CDS2: variants seen among roughly 807,000 people sequenced by gnomAD.
CDS2 encodes the protein CDP-diacylglycerol synthase 2, also known as phosphatidate cytidylyltransferase 2.
CDS2 carries 47 observed loss-of-function variants against 59.0 expected under a neutral mutation model. The observed-to-expected ratio is 0.80, with a 90% CI of 0.63 to 1.02. The LOEUF (loss-of-function observed/expected upper bound fraction) is 1.02, where lower values mean the gene tolerates loss of function less well. Among genes scored for constraint, CDS2 ranks in the 50% least tolerant of loss-of-function variants. CDS2 has a pLI of 0.00. For synonymous variants in CDS2, 207 were observed against 206.4 expected (o/e 1.00, Z -0.02); for missense variants, 356 against 558.9 (o/e 0.64, Z 3.66).
chr20:5,157,515 C>T (rs182322366), intron 1 of CDS2, among the ~76,000 whole-genome samples: 44 of 152,284 alleles, frequency 2.9e-4, no homozygotes, highest in African/African-American at 9.6e-4. Context: ...GAGGCCATGT[C>T]TCAGTCTGTT....
chr20:5,141,453 G>A (rs756897688), intron 1 of CDS2, among the ~76,000 whole-genome samples: 2 of 152,154 alleles, frequency 1.3e-5, no homozygotes, highest in African/African-American at 2.4e-5. Context: ...CACATGCTGG[G>A]GGGGTGGTGC....
At chr20:5,145,845 A>G (rs2090738866) in intron 1 of CDS2, among the ~76,000 whole-genome samples, 5 of 125,914 alleles carry the variant, frequency 4.0e-5, no homozygotes, top group Admixed American at 3.2e-4. Flanking sequence ...TTTTTTTGAG[A>G]CAAAGTCTCG....
intron 2 of CDS2, among the ~76,000 whole-genome samples, chr20:5,174,594 A>G (rs540236238): frequency 3.7e-4 from 56 of 152,074 alleles, no homozygotes; most frequent in African/African-American, 1.3e-3. Flanking sequence ...GTGTGGTGGC[A>G]GGCGCCTGTA....
intron 1 of CDS2, among the ~76,000 whole-genome samples, chr20:5,139,747 A>G (rs1048284380): frequency 9.9e-5 from 15 of 150,788 alleles, no homozygotes; most frequent in African/African-American, 3.4e-4. Flanking sequence ...TAATTTATTG[A>G]GAGTTTTTAT....
rs1361014449 is a variant in CDS2, at chr20:5,192,321, CTT to C, written c.*2089_*2090del. ...ATACTGGGCAAGGCTCATCATGTTC[CTT>C]TGTGGAAGTGGTTACTTGGTGGGGG... On this transcript the variant is annotated 3_prime_UTR_variant, in exon 13 of 13. Transcript: ENST00000460006. 1 of 133,018 alleles carries C rather than the reference CTT, an allele frequency of 7.5e-6. No homozygotes were observed. The highest frequency in any genetic ancestry group is 8.0e-5 in the Admixed American group (1 of 12,426). The allele number at this position is 133,018 out of a possible 1,614,324, so 8.2% of individuals were successfully genotyped here.
intron 1 of CDS2, among the ~76,000 whole-genome samples, chr20:5,137,924 G>A (rs1396411437): frequency 1.3e-5 from 2 of 150,660 alleles, no homozygotes; most frequent in African/African-American, 2.4e-5. Flanking sequence ...TCAGCCTCCC[G>A]AGTAGCTGGG....
intron 4 of CDS2, among the ~76,000 whole-genome samples, chr20:5,177,060 C>T (rs998454685): frequency 4.6e-5 from 7 of 152,106 alleles, no homozygotes; most frequent in Non-Finnish European, 1.0e-4. Context: ...TGTGGTTGGC[C>T]TTGCAGGAGT....
chr20:5,189,121 G>T lies in CDS2; in HGVS notation c.1036G>T (p.Ala346Ser). 1 of 1,614,164 alleles carries T rather than the reference G, an allele frequency of 6.2e-7. No individual in the cohort carries two copies. The highest frequency in any genetic ancestry group is 1.3e-5 in the African/African-American group (1 of 75,042). The change falls in exon 11 of 13, where the codon GCC becomes TCC. Residue 346 changes from alanine to serine, a missense_variant. Ala to Ser is a moderately conservative substitution (Grantham distance 99). Around this residue, in one of 5 missense-constraint regions of CDS2, gnomAD observed 41 missense variants for 104.4 expected, o/e 0.39. Coordinates refer to ENST00000460006, the MANE Select transcript of CDS2 (RefSeq NM_003818.4). ...TCACAGCATCGCTCTCTCCACCTTT[G>T]CCTCGCTCATTGGCCCCTTTGGAGG... ...QIHSIALSTFASLIGPFGGFF... is the reference protein window; with the variant it reads ...QIHSIALSTFSSLIGPFGGFF...
chr20:5,146,526 C>G (rs2090745100), intron 1 of CDS2, among the ~76,000 whole-genome samples: 1 of 152,212 alleles, frequency 6.6e-6, no homozygotes. Context: ...GCCCAGATGA[C>G]AGATGAAGAT....
intron 1 of CDS2, among the ~76,000 whole-genome samples, chr20:5,166,097 C>T (rs537043794): frequency 4.5e-4 from 68 of 152,126 alleles, no homozygotes; most frequent in African/African-American, 1.6e-3. Flanking sequence ...GTGGCGAGAG[C>T]GTAGGTGGGA....
chr20:5,174,915 G>A (rs1238663431), intron 2 of CDS2, among the ~76,000 whole-genome samples: 5 of 152,074 alleles, frequency 3.3e-5, no homozygotes, highest in Admixed American at 3.3e-4. Flanking sequence ...CATTTCCCTT[G>A]GTTTTTTTGT....
intron 4 of CDS2, among the ~76,000 whole-genome samples, chr20:5,177,385 G>C (rs887381716): frequency 4.6e-5 from 7 of 152,092 alleles, no homozygotes; most frequent in African/African-American, 1.7e-4. Context: ...TTGAGTGCCA[G>C]AGTGGGCAGG....
chr20:5,163,208 G>A (rs888853448), intron 1 of CDS2, among the ~76,000 whole-genome samples: 1 of 152,156 alleles, frequency 6.6e-6, no homozygotes, highest in Non-Finnish European at 1.5e-5. Context: ...AAAAGATTTG[G>A]TGTTTCAGCA....
At chr20:5,174,868 G>C (rs2090983085) in intron 2 of CDS2, among the ~76,000 whole-genome samples, 1 of 152,202 alleles carries the variant, frequency 6.6e-6, no homozygotes, top group Admixed American at 6.5e-5. Flanking sequence ...GTCAGCTGTA[G>C]AAACCATCCA....
chr20:5,163,659 C>G (rs562467078), intron 1 of CDS2, among the ~76,000 whole-genome samples: 1 of 152,104 alleles, frequency 6.6e-6, no homozygotes, highest in East Asian at 1.9e-4. Context: ...ATTGTCCTAT[C>G]GTTGGCCATT....
intron 1 of CDS2, among the ~76,000 whole-genome samples, chr20:5,163,951 T>C (rs569269604): frequency 3.6e-4 from 54 of 151,962 alleles, no homozygotes; most frequent in African/African-American, 1.3e-3. Context: ...CCACCACGCC[T>C]GGATAATTTT....
At chr20:5,177,883 T>A (rs1439308640) in intron 4 of CDS2, among the ~76,000 whole-genome samples, 1 of 152,224 alleles carries the variant, frequency 6.6e-6, no homozygotes, top group African/African-American at 2.4e-5. Context: ...GTGTTTTGCA[T>A]TTTGTTAACA....
rs1345411332 is a variant in CDS2, at chr20:5,197,776, G to A, written c.*7542G>A. 1 of 152,132 alleles carries A rather than the reference G, an allele frequency of 6.6e-6. No homozygotes were observed. The highest frequency in any genetic ancestry group is 2.4e-5 in the African/African-American group (1 of 41,394). 9.4% of individuals were successfully genotyped at this position (152,132 alleles called of 1,614,324 possible). ...TGATCCATGTTGAACAATACATGTA[G>A]GTTCTTTTTCCACGCAATGTAAGAA... On this transcript the variant is annotated 3_prime_UTR_variant, in exon 13 of 13. Coordinates refer to ENST00000460006, the MANE Select transcript of CDS2 (RefSeq NM_003818.4).
intron 6 of CDS2, 151 bp downstream of exon 6, chr20:5,182,596 A>G: frequency 1.5e-6 from 1 of 662,206 alleles, no homozygotes; most frequent in Middle Eastern, 3.7e-4. Flanking sequence ...AAGAATGCCC[A>G]TTTAGGTTTA....
Sources: allele counts gnomAD v4.1 joint callset (sites outside exome capture counted in the v4.1 genomes callset), GRCh38; gene constraint gnomAD v4.1.1; regional missense constraint gnomAD v4.1.1; transcripts MANE v1.5; gene names NCBI Gene and HGNC (gene_info 2026-07-23, HGNC 2026-07-21).